Variants in GULP1 observed in about 807,000 individuals in gnomAD.
GULP1 encodes PTB domain-containing engulfment adapter protein 1.
A neutral mutation model predicts 40.9 loss-of-function variants in GULP1; 19 were observed. The observed-to-expected ratio is 0.46, with a 90% CI of 0.32 to 0.68. The LOEUF (loss-of-function observed/expected upper bound fraction) is 0.68, where lower values mean the gene tolerates loss of function less well. Among genes scored for constraint, GULP1 ranks in the 30% least tolerant of loss-of-function variants. The pLI, the probability that GULP1 is intolerant of heterozygous loss-of-function variation, is 0.03. For synonymous variants in GULP1, 119 were observed against 117.6 expected (o/e 1.01, Z -0.08); for missense variants, 312 against 362.2 (o/e 0.86, Z 1.12).
rs144529708 is a variant in GULP1, at chr2:188,452,195, G to A, written c.-44-25464G>A. 2.7e-4 allele frequency among the ~76,000 whole-genome samples: 41 copies of A among 152,230 alleles called. No homozygotes were observed. The East Asian group carries it at 7.4e-3, about 27-fold the overall frequency. ...TCACTAAATCTGAAGATTAGGCTTT[G>A]TGACTCCTCTTTTAATGTGTTAAGA... On this transcript the variant is annotated intron_variant, in intron 2 of 11. Transcript: ENST00000409830.
intron 2 of GULP1, among the ~76,000 whole-genome samples, chr2:188,459,894 G>T (rs1023765270): frequency 7.9e-5 from 12 of 152,100 alleles, no homozygotes; most frequent in Admixed American, 6.5e-5. Flanking sequence ...ATTTATTGAA[G>T]AAACTGTCTT....
rs1363542661 is a variant in GULP1 at position 188,500,199 on chromosome 2, T to A, written c.90+16707T>A. 5.3e-5 allele frequency among the ~76,000 whole-genome samples: 8 copies of A among 151,904 alleles called. No homozygotes were observed. In the East Asian group the frequency reaches 1.4e-3, roughly 26 times the overall value. On this transcript the variant is annotated intron_variant, in intron 4 of 11. Coordinates refer to ENST00000409830, the MANE Select transcript of GULP1 (RefSeq NM_016315.4). ...AAAATACAGATTTTCTGTCCACTCATTTAGATTTGGTAGGTCTAGAATGAG... is the reference window on the plus strand; with the variant it reads ...AAAATACAGATTTTCTGTCCACTCAATTAGATTTGGTAGGTCTAGAATGAG...
chr2:188,513,200 A>G (rs1164662346), intron 4 of GULP1, among the ~76,000 whole-genome samples: 3 of 152,132 alleles, frequency 2.0e-5, no homozygotes, highest in African/African-American at 7.2e-5. Flanking sequence ...AGTTTGTAAA[A>G]TCTGACGAAC....
At chr2:188,434,961 A>G (rs1042329757) in intron 2 of GULP1, among the ~76,000 whole-genome samples, 1 of 151,970 alleles carries the variant, frequency 6.6e-6, no homozygotes, top group Non-Finnish European at 1.5e-5. Context: ...AATTTTTGTC[A>G]TGAGATTAGA....
At chr2:188,486,934 G>A (rs1002941589) in intron 4 of GULP1, among the ~76,000 whole-genome samples, 2 of 151,924 alleles carry the variant, frequency 1.3e-5, no homozygotes, top group African/African-American at 4.8e-5. Flanking sequence ...GGCAAAAAAG[G>A]TGATTGCAGT....
intron 4 of GULP1, among the ~76,000 whole-genome samples, chr2:188,496,752 T>C (rs527424060): frequency 3.5e-4 from 53 of 152,034 alleles, no homozygotes; most frequent in Admixed American, 1.4e-3. Context: ...TAATCCCCAG[T>C]GTTGGAGGTG....
At chr2:188,519,533 A>G (rs986510090) in intron 4 of GULP1, among the ~76,000 whole-genome samples, 1 of 152,116 alleles carries the variant, frequency 6.6e-6, no homozygotes, top group Non-Finnish European at 1.5e-5. Context: ...TAGACCATCC[A>G]CTAATCGCAG....
At chr2:188,469,183 C>T (rs73040484) in intron 2 of GULP1, among the ~76,000 whole-genome samples, 3,123 of 152,144 alleles carry the variant, frequency 0.021, 101 homozygotes, top group African/African-American at 0.071. Flanking sequence ...TGGTCAGTGG[C>T]CCAAACAGTT....
chr2:188,541,658 A>G lies in GULP1; in HGVS notation c.399+340A>G, dbSNP rs569668665. 3.5e-5 allele frequency: 16 copies of G among 461,792 alleles called. No individual in the cohort carries two copies. In the Admixed American group the frequency reaches 4.2e-4, roughly 12 times the overall value. 28.6% of individuals were successfully genotyped at this position (461,792 alleles called of 1,614,324 possible). A position where few individuals can be genotyped will look rare whatever the true frequency, so the allele number is the denominator to read the frequency against. On this transcript the variant is annotated intron_variant, in intron 7 of 11. Coordinates refer to ENST00000409830, the MANE Select transcript of GULP1 (RefSeq NM_016315.4). The stretch of plus-strand genomic sequence containing the variant: ...TATGATTTAGTATTATGCACATAAT[A>G]CAAACAGTAGTGGTGAGCAAACGTG...
chr2:188,511,213 G>A (rs967099962), intron 4 of GULP1, among the ~76,000 whole-genome samples: 7 of 152,022 alleles, frequency 4.6e-5, no homozygotes, highest in East Asian at 1.9e-4. Context: ...TTTTTAAACC[G>A]CTCTCACAAT....
chr2:188,346,730 T>A (rs2043717150), intron 1 of GULP1, among the ~76,000 whole-genome samples: 1 of 151,910 alleles, frequency 6.6e-6, no homozygotes. Flanking sequence ...CCCAGCACTT[T>A]GGGAGGCTGA....
chr2:188,523,499 A>G (rs1412817532), intron 5 of GULP1, among the ~76,000 whole-genome samples: 1 of 152,210 alleles, frequency 6.6e-6, no homozygotes, highest in Non-Finnish European at 1.5e-5. Context: ...TGAAATTTAC[A>G]AAACTCCTTC....
chr2:188,523,057 G>A (rs2153226913), intron 5 of GULP1: 3 of 380,074 alleles, frequency 7.9e-6, no homozygotes, highest in East Asian at 8.0e-5. Context: ...AAGGTATAAT[G>A]TGTCATATTA....
rs541525803 is a variant in GULP1, at chr2:188,518,855, C to T, written c.91-3901C>T. Among the ~76,000 whole-genome samples the T allele has an allele frequency of 6.6e-5, 10 of 152,232 alleles. No individual in the cohort carries two copies. The South Asian group carries it at 1.2e-3, about 19-fold the overall frequency. On this transcript the variant is annotated intron_variant, in intron 4 of 11. Coordinates refer to ENST00000409830, the MANE Select transcript of GULP1 (RefSeq NM_016315.4). The stretch of plus-strand genomic sequence containing the variant: ...ATGATTTTTCAGGAGAGAAGAACAG[C>T]ATTTATTATCTCTATCTTTCAAAAG...
intron 1 of GULP1, among the ~76,000 whole-genome samples, chr2:188,373,689 G>A (rs1018559875): frequency 6.6e-6 from 1 of 151,870 alleles, no homozygotes; most frequent in African/African-American, 2.4e-5. Context: ...CTTAGCTATT[G>A]TCTTTGGGAA....
chr2:188,562,871 G>A (rs1484222274), intron 7 of GULP1, among the ~76,000 whole-genome samples: 2 of 151,956 alleles, frequency 1.3e-5, no homozygotes, highest in Admixed American at 6.6e-5. Flanking sequence ...CTAAATATTT[G>A]GCCCACATAT....
chr2:188,524,081 T>C lies in GULP1; in HGVS notation c.162+1254T>C, dbSNP rs550327035. On this transcript the variant is annotated intron_variant, in intron 5 of 11. Coordinates refer to ENST00000409830, the MANE Select transcript of GULP1 (RefSeq NM_016315.4). ...GAATAGGATTCTATTTAAATGCTTT[T>C]AAAATGTTGAGGATTCTGGGCATGA... 2.0e-5 allele frequency among the ~76,000 whole-genome samples: 3 copies of C among 152,322 alleles called. No homozygotes were observed. In the East Asian group the frequency reaches 5.8e-4, roughly 29 times the overall value.
intron 4 of GULP1, among the ~76,000 whole-genome samples, chr2:188,498,792 A>G (rs1011733732): frequency 2.0e-5 from 3 of 151,792 alleles, no homozygotes; most frequent in African/African-American, 4.8e-5. Flanking sequence ...AATTACCCTG[A>G]TCTGATCACT....
At chr2:188,531,821 A>AG (rs1393945814) in intron 6 of GULP1, among the ~76,000 whole-genome samples, 11 of 152,216 alleles carry the variant, frequency 7.2e-5, no homozygotes, top group Admixed American at 7.2e-4. Context: ...GTAGCAACAA[A>AG]GTGTAGTCTT....
Sources: allele counts gnomAD v4.1 joint callset (sites outside exome capture counted in the v4.1 genomes callset), GRCh38; gene constraint gnomAD v4.1.1; transcripts MANE v1.5; gene names NCBI Gene and HGNC (gene_info 2026-07-23, HGNC 2026-07-21).